Variants in TTC7B observed in about 807,000 individuals in gnomAD.
TTC7B encodes the protein tetratricopeptide repeat domain 7B, also known as tetratricopeptide repeat protein 7B.
Under a neutral mutation model 106.8 loss-of-function variants are expected in TTC7B, and 28 were observed. That is an observed-to-expected ratio of 0.26 (90% confidence interval 0.19 to 0.36). TTC7B has a LOEUF of 0.36. Among genes scored for constraint, TTC7B ranks in the 10% least tolerant of loss-of-function variants. The probability of loss-of-function intolerance (pLI) is 1.00; values close to 1 mark genes in which losing one functional copy is unlikely to be tolerated. For synonymous variants in TTC7B, 405 were observed against 430.6 expected (o/e 0.94, Z 0.74); for missense variants, 862 against 1,076.4 (o/e 0.80, Z 2.79).
chr14:90,748,547 G>A (rs764437233), intron 3 of TTC7B, among the ~76,000 whole-genome samples: 19 of 151,850 alleles, frequency 1.3e-4, no homozygotes, highest in South Asian at 2.1e-4. Context: ...GTCTGGTCTC[G>A]AACTCCTGAC....
chr14:90,802,878 C>T lies in TTC7B; in HGVS notation c.121+13297G>A, dbSNP rs926179743. ...GGATAAGGCCGGGCACGGTGGCTCA[C>T]GCCTGTAATCCCAGCACTTTGGGAG... On this transcript the variant is annotated intron_variant, in intron 1 of 19. Coordinates refer to ENST00000328459, the MANE Select transcript of TTC7B (RefSeq NM_001010854.2). This position sits in a 1 kb window ranked among gnomAD's most constrained non-coding sequence, Gnocchi z 4.7. Among the ~76,000 whole-genome samples, 15 of 151,890 alleles carry T rather than the reference C, an allele frequency of 9.9e-5. No homozygotes were observed. Among genetic ancestry groups the T allele is most frequent in the African/African-American group, 1.9e-4 (8 of 41,408 alleles).
intron 1 of TTC7B, among the ~76,000 whole-genome samples, chr14:90,809,824 T>C (rs1341632322): frequency 6.6e-6 from 1 of 152,062 alleles, no homozygotes; most frequent in Non-Finnish European, 1.5e-5. Context: ...CATGCCAAAA[T>C]CGGTGGAGTA....
intron 15 of TTC7B, 150 bp downstream of exon 15, chr14:90,643,898 A>G: frequency 1.9e-6 from 2 of 1,054,628 alleles, no homozygotes; most frequent in Non-Finnish European, 2.8e-6. Flanking sequence ...TTTGTTTTTA[A>G]TATCAGGAAA....
intron 3 of TTC7B, among the ~76,000 whole-genome samples, chr14:90,746,066 A>T (rs1305297611): frequency 6.6e-6 from 1 of 152,100 alleles, no homozygotes; most frequent in Non-Finnish European, 1.5e-5. Context: ...ATGCCTCCAT[A>T]TCTGGTTTTG....
chr14:90,660,387 CCCTGTCTCAAAA>C (rs1886141992), intron 9 of TTC7B, among the ~76,000 whole-genome samples: 1 of 105,378 alleles, frequency 9.5e-6, no homozygotes, highest in African/African-American at 4.0e-5. Flanking sequence ...AGCAAGACCA[CCCTGTCTCAAAA>C]AAAAAAAAAA....
Position 90,608,392 on chromosome 14 carries a change from G to T in TTC7B, c.1966+2350C>A, listed in dbSNP as rs1293386118. Reference sequence around the variant, plus strand: ...TTGCAGCTGCCTGGTTGGGTCGGGGGTGGTGTAGGGCTGGTGGCAGGAGTC... The same window carrying T: ...TTGCAGCTGCCTGGTTGGGTCGGGGTTGGTGTAGGGCTGGTGGCAGGAGTC... On this transcript the variant is annotated intron_variant, in intron 17 of 19. Coordinates refer to ENST00000328459, the MANE Select transcript of TTC7B (RefSeq NM_001010854.2). This position sits in a 1 kb window ranked among gnomAD's most constrained non-coding sequence, Gnocchi z 5.1. Among the ~76,000 whole-genome samples the T allele has an allele frequency of 2.0e-5, 3 of 152,208 alleles. No individual in the cohort carries two copies. The highest frequency in any genetic ancestry group is 4.1e-4 in the South Asian group (2 of 4,830).
chr14:90,586,227 G>C (rs574509370), intron 18 of TTC7B, among the ~76,000 whole-genome samples: 47 of 152,232 alleles, frequency 3.1e-4, no homozygotes, highest in African/African-American at 1.1e-3. Context: ...CCGCCTTGCC[G>C]ACCACTCCCC....
In TTC7B at chr14:90,780,923, A is replaced by G. The variant is rs1292080254; in HGVS notation, c.277-17T>C. On this transcript the variant is annotated splice_polypyrimidine_tract_variant and intron_variant, in intron 2 of 19. Transcript: ENST00000328459. ...GAATTCTGACTAGAAGCAAAAGGAGAGAAAGAAAAGCATTTTCCTACAATA... is the reference window on the plus strand; with the variant it reads ...GAATTCTGACTAGAAGCAAAAGGAGGGAAAGAAAAGCATTTTCCTACAATA... 1.9e-6 allele frequency: 3 copies of G among 1,612,646 alleles called. No homozygotes were observed. Among genetic ancestry groups the G allele is most frequent in the Non-Finnish European group, 2.5e-6 (3 of 1,179,000 alleles).
intron 19 of TTC7B, among the ~76,000 whole-genome samples, chr14:90,559,157 A>T (rs893624329): frequency 6.6e-6 from 1 of 152,220 alleles, no homozygotes; most frequent in Non-Finnish European, 1.5e-5. Context: ...GCAAACGCGG[A>T]GCTTGGAGGA....
intron 19 of TTC7B, among the ~76,000 whole-genome samples, chr14:90,556,629 C>G (rs1890319618): frequency 6.6e-6 from 1 of 152,212 alleles, no homozygotes; most frequent in South Asian, 2.1e-4. Flanking sequence ...GAAGCTGGCA[C>G]TCCCCCATGG....
chr14:90,755,852 A>G (rs1890275439), intron 3 of TTC7B, among the ~76,000 whole-genome samples: 1 of 152,260 alleles, frequency 6.6e-6, no homozygotes, highest in South Asian at 2.1e-4. Flanking sequence ...TGACTGTTAG[A>G]AGGCTCGGCC....
intron 19 of TTC7B, among the ~76,000 whole-genome samples, chr14:90,563,936 C>T (rs570541726): frequency 1.3e-5 from 2 of 152,242 alleles, no homozygotes; most frequent in African/African-American, 2.4e-5. Flanking sequence ...ATTCCCACCA[C>T]GTCTGCTGTT....
At chr14:90,568,924 G>C (rs1036654730) in intron 19 of TTC7B, among the ~76,000 whole-genome samples, 1 of 152,196 alleles carries the variant, frequency 6.6e-6, no homozygotes, top group Non-Finnish European at 1.5e-5. Context: ...AAGGATGTGA[G>C]GAAATAGCTT....
chr14:90,719,891 C>T (rs1888821724), intron 5 of TTC7B, among the ~76,000 whole-genome samples: 1 of 152,110 alleles, frequency 6.6e-6, no homozygotes, highest in Non-Finnish European at 1.5e-5. Context: ...GGACAAGATG[C>T]CTTTGAGGAT....
In TTC7B at chr14:90,539,134, G is replaced by A. The variant is rs1241554706; in HGVS notation, c.*2234C>T. On this transcript the variant is annotated 3_prime_UTR_variant, in exon 20 of 20. Coordinates refer to ENST00000328459, the MANE Select transcript of TTC7B (RefSeq NM_001010854.2). ...CTGGAGGGCTCTGGTTGTTAAGGCT[G>A]GGCCCATGTGTCCATCCTTGAGCCA... 1 of 152,288 alleles carries A rather than the reference G, an allele frequency of 6.6e-6. No individual in the cohort carries two copies. Among genetic ancestry groups the A allele is most frequent in the African/African-American group, 2.4e-5 (1 of 41,458 alleles). The allele number at this position is 152,288 out of a possible 1,614,324, so 9.4% of individuals were successfully genotyped here. A position where few individuals can be genotyped will look rare whatever the true frequency, so the allele number is the denominator to read the frequency against.
intron 17 of TTC7B, among the ~76,000 whole-genome samples, chr14:90,607,930 T>C (rs1017878384): frequency 1.3e-5 from 2 of 152,230 alleles, no homozygotes; most frequent in Non-Finnish European, 2.9e-5. Flanking sequence ...AATACAGTTA[T>C]TTTTAGGAAC....
At chr14:90,758,499 G>T (rs1478721425) in intron 3 of TTC7B, among the ~76,000 whole-genome samples, 1 of 151,912 alleles carries the variant, frequency 6.6e-6, no homozygotes, top group Non-Finnish European at 1.5e-5. Flanking sequence ...TCCCAAGGCC[G>T]ACCCGGCCGA....
chr14:90,620,973 A>G lies in TTC7B; in HGVS notation c.1752-2928T>C, dbSNP rs1427994003. 2.0e-5 allele frequency among the ~76,000 whole-genome samples: 3 copies of G among 152,204 alleles called. No homozygotes were observed. In the East Asian group the frequency reaches 5.8e-4, roughly 29 times the overall value. On this transcript the variant is annotated intron_variant, in intron 15 of 19. Transcript: ENST00000328459. ...AACGATGGAAAAAAGCACTTGGAAG[A>G]CCTCTCAAGAGGAACAGCATGAGAG...
rs1195219323 is a variant in TTC7B at position 90,657,545 on chromosome 14, A to C, written c.1237-267T>G. On this transcript the variant is annotated intron_variant, in intron 10 of 19. Transcript: ENST00000328459. The surrounding 1 kb of genome is among the most constrained non-coding windows in gnomAD (Gnocchi z 4.2). ...ATACTTGTGTAGCTATTGGAAAATT[A>C]AGAAAAACATAAAGATGGTGGAAGT... is the stretch of plus-strand genomic sequence containing the variant. The C allele has an allele frequency of 1.0e-5, 3 of 301,404 alleles. No individual in the cohort carries two copies. Among genetic ancestry groups the C allele is most frequent in the Non-Finnish European group, 1.8e-5 (3 of 162,832 alleles). 18.7% of individuals were successfully genotyped at this position (301,404 alleles called of 1,614,324 possible).
Sources: gnomAD v4.1 joint callset for allele counts (sites outside exome capture counted in the v4.1 genomes callset) on GRCh38, gnomAD v4.1.1 for gene constraint, Gnocchi (gnomAD v3.1) non-coding constraint, MANE v1.5 for transcripts, NCBI Gene and HGNC (gene_info 2026-07-23, HGNC 2026-07-21) for gene names.